Variants in C10orf90 observed in about 807,000 individuals in gnomAD.
C10orf90 encodes (E2-independent) E3 ubiquitin-conjugating enzyme FATS.
Under a neutral mutation model 62.5 loss-of-function variants are expected in C10orf90, and 56 were observed. The observed-to-expected ratio is 0.90, with a 90% CI of 0.72 to 1.12. The LOEUF (loss-of-function observed/expected upper bound fraction) is 1.12. Among genes scored for constraint, C10orf90 ranks in the 50% most tolerant of loss-of-function variants. C10orf90 has a pLI of 0.00. For missense variants in C10orf90, 970 were observed against 880.4 expected, an observed-to-expected ratio of 1.10 and a Z score of -1.29; for synonymous variants, 386 against 340.4, an observed-to-expected ratio of 1.13 and a Z score of -1.47.
At chr10:126,596,361 TGAAA>T (rs1035645342) in intron 2 of C10orf90, among the ~76,000 whole-genome samples, 6 of 144,850 alleles carry the variant, frequency 4.1e-5, no homozygotes, top group South Asian at 2.4e-4. Flanking sequence ...TTGTGCTCCT[TGAAA>T]GACACTTATT....
In C10orf90 at chr10:126,524,869, C is replaced by T. The variant is rs117767944; in HGVS notation, c.314-10930G>A. ...CTTGCTTCTCCCATTAAGTGGAAAACGCCATTATTTCCATCACTATGTACT... is the reference window on the plus strand; with the variant it reads ...CTTGCTTCTCCCATTAAGTGGAAAATGCCATTATTTCCATCACTATGTACT... On this transcript the variant is annotated intron_variant, in intron 2 of 9. Coordinates refer to ENST00000488181, the MANE Select transcript of C10orf90 (RefSeq NM_001350921.2). 330 of 976,292 alleles carry T rather than the reference C, an allele frequency of 3.4e-4. 6 individuals are homozygous for T. The East Asian group carries it at 0.026, about 76-fold the overall frequency. The allele number at this position is 976,292 out of a possible 1,614,324, so 60.5% of individuals were successfully genotyped here.
chr10:126,649,123 C>T (rs759722780), intron 1 of C10orf90, among the ~76,000 whole-genome samples: 3 of 143,704 alleles, frequency 2.1e-5, no homozygotes, highest in South Asian at 2.3e-4. Flanking sequence ...AGACCCACAG[C>T]GTTCTGCAAA....
Position 126,483,815 on chromosome 10 carries a change from A to G in C10orf90, c.1535-18829T>C, listed in dbSNP as rs149808102. ...TGCTGGGTCCTAAACTTCCAATACC[A>G]TATTCTATTTGCCACCCATCAAGTT... On this transcript the variant is annotated intron_variant, in intron 4 of 9. Transcript: ENST00000488181. 2.5e-4 allele frequency among the ~76,000 whole-genome samples: 38 copies of G among 152,162 alleles called. No homozygotes were observed. The East Asian group carries it at 6.4e-3, about 26-fold the overall frequency.
Position 126,513,914 on chromosome 10 carries a change from T to C in C10orf90, c.339A>G (p.Arg113=). ...NAGLRDSYHS[R]RDQIALKNLQ... is the part of the protein sequence containing the mutation. ...GATTTTTAAGGGCAATTTGATCTCT[T>C]CTACTGTGGTAGCTGTCCCGTAATC... The change falls in exon 3 of 10, where the codon AGA becomes AGG. Residue 113 remains arginine, a synonymous_variant. Transcript: ENST00000488181. 6.2e-7 allele frequency: 1 copy of C among 1,613,180 alleles called. No homozygotes were observed. Among genetic ancestry groups the C allele is most frequent in the Non-Finnish European group, 8.5e-7 (1 of 1,179,392 alleles).
intron 2 of C10orf90, among the ~76,000 whole-genome samples, chr10:126,608,348 G>C (rs1020800194): frequency 2.0e-5 from 3 of 152,170 alleles, no homozygotes; most frequent in Non-Finnish European, 1.5e-5. Context: ...CTGGACTCAA[G>C]CGATCTTCCC....
intron 7 of C10orf90, among the ~76,000 whole-genome samples, chr10:126,438,339 C>A (rs910791738): frequency 1.3e-5 from 2 of 152,170 alleles, no homozygotes; most frequent in Non-Finnish European, 2.9e-5. Flanking sequence ...GTTGGGGTTT[C>A]ATTGGCAAAG....
chr10:126,645,631 G>A lies in C10orf90; in HGVS notation c.313+934C>T, dbSNP rs117917619. Among the ~76,000 whole-genome samples, 498 of 151,596 alleles carry A rather than the reference G, an allele frequency of 3.3e-3. 1 individual carries two copies. Among genetic ancestry groups the A allele is most frequent in the Non-Finnish European group, 5.8e-3 (396 of 67,904 alleles). ...AAGAACAAGCTGTAAACCATGCTTC[G>A]GGACTACCAGAAAGGATTAAACATG... is the stretch of plus-strand genomic sequence containing the variant. On this transcript the variant is annotated intron_variant, in intron 2 of 9. Transcript: ENST00000488181.
intron 2 of C10orf90, among the ~76,000 whole-genome samples, chr10:126,617,941 G>A (rs115126331): frequency 0.013 from 1,995 of 152,254 alleles, 37 homozygotes; most frequent in African/African-American, 0.044. Context: ...AATTTTTATC[G>A]GGAGCTGGCT....
intron 2 of C10orf90, among the ~76,000 whole-genome samples, chr10:126,608,090 G>A (rs544493534): frequency 6.6e-6 from 1 of 152,262 alleles, no homozygotes; most frequent in Admixed American, 6.5e-5. Flanking sequence ...ACAACATTAT[G>A]AACTTATTTA....
chr10:126,498,181 C>A (rs1451788581), intron 4 of C10orf90, among the ~76,000 whole-genome samples: 1 of 152,166 alleles, frequency 6.6e-6, no homozygotes, highest in Non-Finnish European at 1.5e-5. Flanking sequence ...AGGGTAGAGG[C>A]GGCTCCAGAA....
At chr10:126,605,851 A>G (rs1445274207) in intron 2 of C10orf90, among the ~76,000 whole-genome samples, 1 of 151,432 alleles carries the variant, frequency 6.6e-6, no homozygotes, top group Admixed American at 6.6e-5. Context: ...GCTAAAAGAT[A>G]CAAAGGAAAA....
intron 7 of C10orf90, among the ~76,000 whole-genome samples, chr10:126,440,281 C>T (rs935421510): frequency 6.6e-6 from 1 of 152,134 alleles, no homozygotes. Flanking sequence ...CCCCACTTCC[C>T]TGACAACCTG....
Position 126,444,114 on chromosome 10 carries a change from G to A in C10orf90, c.2189-14264C>T, listed in dbSNP as rs148486421. The stretch of plus-strand genomic sequence containing the variant: ...AGCATTCCCTCTGAGAAATGGAAAA[G>A]AGAAGGATGCCCACGCTCACCACTC... On this transcript the variant is annotated intron_variant, in intron 7 of 9. Transcript: ENST00000488181. 8.7e-4 allele frequency among the ~76,000 whole-genome samples: 132 copies of A among 152,138 alleles called. 1 individual carries two copies. The East Asian group carries it at 0.015, about 17-fold the overall frequency.
intron 2 of C10orf90, among the ~76,000 whole-genome samples, chr10:126,542,852 C>A (rs35758933): frequency 1.3e-5 from 2 of 151,978 alleles, no homozygotes; most frequent in East Asian, 1.9e-4. Context: ...CATACACATA[C>A]CTTGTGATTC....
intron 1 of C10orf90, among the ~76,000 whole-genome samples, chr10:126,668,786 C>T (rs987850928): frequency 2.6e-5 from 4 of 151,924 alleles, no homozygotes; most frequent in East Asian, 1.9e-4. Context: ...ATTAGTGGCT[C>T]GGTTGTTGGC....
chr10:126,616,615 G>A (rs918306736), intron 2 of C10orf90, among the ~76,000 whole-genome samples: 11 of 152,124 alleles, frequency 7.2e-5, no homozygotes, highest in Admixed American at 7.2e-4. Flanking sequence ...TCAGCAACAT[G>A]GTGGCTCTTT....
intron 7 of C10orf90, among the ~76,000 whole-genome samples, chr10:126,441,869 G>T (rs1858350202): frequency 6.6e-6 from 1 of 152,026 alleles, no homozygotes; most frequent in African/African-American, 2.4e-5. Context: ...ACCACTAAAA[G>T]AACTCTAAAA....
At chr10:126,569,070 G>T (rs1844452045) in intron 2 of C10orf90, among the ~76,000 whole-genome samples, 1 of 152,254 alleles carries the variant, frequency 6.6e-6, no homozygotes, top group Admixed American at 6.5e-5. Flanking sequence ...GCTGGCAGGA[G>T]GGTATGCAAG....
chr10:126,565,241 T>A (rs1486849264), intron 2 of C10orf90, among the ~76,000 whole-genome samples: 1 of 46,144 alleles, frequency 2.2e-5, no homozygotes, highest in South Asian at 7.4e-4. Context: ...TTATGTAATA[T>A]AATATTTATT....
Sources: gnomAD v4.1 joint callset for allele counts (sites outside exome capture counted in the v4.1 genomes callset) on GRCh38, gnomAD v4.1.1 for gene constraint, MANE v1.5 for transcripts, NCBI Gene and HGNC (gene_info 2026-07-23, HGNC 2026-07-21) for gene names.